The following SDCCAG8 variants were observed in gnomAD, a reference collection of about 807,000 sequenced individuals.
The protein encoded by SDCCAG8 is serologically defined colon cancer antigen 8.
In SDCCAG8, 74 loss-of-function variants were observed where a neutral mutation model predicts 101.8. That is an observed-to-expected ratio of 0.73 (90% confidence interval 0.60 to 0.88). The LOEUF is 0.88. Among genes scored for constraint, SDCCAG8 ranks in the 40% least tolerant of loss-of-function variants. SDCCAG8 has a pLI of 0.00. For missense variants in SDCCAG8, 787 were observed against 822.6 expected (o/e 0.96, Z 0.53); for synonymous variants, 281 against 292.9 (o/e 0.96, Z 0.41).
In SDCCAG8 at chr1:243,489,097, A is replaced by C; in HGVS notation, c.2069A>C (p.Glu690Ala). ...AGCAAGCAGAACCAGCTTCTCCTGG[A>C]GAGGCAGAGCCTGTCGGAAGAGGTG... The part of the protein sequence containing the change: ...LLSKQNQLLL[E>A]RQSLSEEVDR... The change falls in exon 17 of 18, where the codon GAG becomes GCG. Residue 690 changes from glutamate (E) to alanine (A), a missense_variant. Transcript: ENST00000366541. 2 of 1,613,250 alleles carry C rather than the reference A, an allele frequency of 1.2e-6. No individual in the cohort carries two copies. The highest frequency in any genetic ancestry group is 1.7e-6 in the Non-Finnish European group (2 of 1,179,988).
chr1:243,285,255 C>T (rs574467332), intron 4 of SDCCAG8, among the ~76,000 whole-genome samples: 1 of 152,308 alleles, frequency 6.6e-6, no homozygotes, highest in South Asian at 2.1e-4. Flanking sequence ...TTTCTACCTC[C>T]TACAGAGGTT....
intron 4 of SDCCAG8, among the ~76,000 whole-genome samples, chr1:243,275,771 G>A (rs2068495667): frequency 6.7e-6 from 1 of 149,806 alleles, no homozygotes; most frequent in African/African-American, 2.5e-5. Context: ...TTTGGTATAA[G>A]CTATAATTAT....
intron 16 of SDCCAG8, among the ~76,000 whole-genome samples, chr1:243,473,923 G>C (rs1363325816): frequency 1.3e-4 from 2 of 15,990 alleles, no homozygotes; most frequent in East Asian, 2.6e-3. Context: ...AGTTGCCGGC[G>C]GGGGGGGGGG....
intron 16 of SDCCAG8, among the ~76,000 whole-genome samples, chr1:243,472,310 C>T (rs1174565168): frequency 6.6e-6 from 1 of 152,186 alleles, no homozygotes; most frequent in Non-Finnish European, 1.5e-5. Flanking sequence ...ACTAAATCAT[C>T]AAACCAGTTT....
chr1:243,426,515 C>T lies in SDCCAG8; in HGVS notation c.1942C>T (p.Gln648Ter), dbSNP rs367572249. The T allele has an allele frequency of 6.8e-6, 11 of 1,613,780 alleles. No individual in the cohort carries two copies. The highest frequency in any genetic ancestry group is 4.0e-5 in the African/African-American group (3 of 74,876). The stretch of plus-strand genomic sequence containing the variant: ...GAGAAGAAATGAAGAATTGGAGGAA[C>T]AGTGTGTCCAGCATGGGAGAGTACA... Reference protein sequence around the residue: ...LQRRNEELEEQCVQHGRVHET... With the variant: ...LQRRNEELEE The change falls in exon 16 of 18, where the codon CAG (glutamine) becomes TAG (stop). Residue 648 changes from glutamine (Q) to a stop codon, truncating the protein, a stop_gained. Coordinates refer to ENST00000366541, the MANE Select transcript of SDCCAG8 (RefSeq NM_006642.5). LOFTEE classifies it high-confidence loss of function.
At chr1:243,365,444 T>A (rs1414464220) in intron 12 of SDCCAG8, among the ~76,000 whole-genome samples, 1 of 152,150 alleles carries the variant, frequency 6.6e-6, no homozygotes, top group Non-Finnish European at 1.5e-5. Context: ...GTCTTGGAAG[T>A]TAGATACAAA....
chr1:243,274,094 G>A (rs149455296), intron 3 of SDCCAG8, among the ~76,000 whole-genome samples: 121 of 152,256 alleles, frequency 7.9e-4, no homozygotes, highest in African/African-American at 2.8e-3. Flanking sequence ...GTGTGATACT[G>A]GCATCTCACT....
At chr1:243,417,614 C>T (rs919673895) in intron 14 of SDCCAG8, among the ~76,000 whole-genome samples, 5 of 152,090 alleles carry the variant, frequency 3.3e-5, no homozygotes, top group Admixed American at 3.3e-4. Context: ...ATTTTTGACA[C>T]TCTGTTTATA....
chr1:243,271,856 G>A (rs888214282), intron 3 of SDCCAG8, among the ~76,000 whole-genome samples: 7 of 152,050 alleles, frequency 4.6e-5, no homozygotes, highest in Non-Finnish European at 8.8e-5. Context: ...AAAATAATAC[G>A]TTTTAATATG....
chr1:243,499,639 GGTT>G (rs969271662), intron 17 of SDCCAG8, 114 bp from the exon 18 acceptor site: 3 of 825,006 alleles, frequency 3.6e-6, no homozygotes, highest in East Asian at 2.6e-5. Flanking sequence ...TTTAGCAACA[GGTT>G]TTTTTCTCCA....
At chr1:243,340,487 G>T (rs1019189383) in intron 10 of SDCCAG8, among the ~76,000 whole-genome samples, 2 of 152,118 alleles carry the variant, frequency 1.3e-5, no homozygotes, top group Non-Finnish European at 2.9e-5. Context: ...AAACCTACAT[G>T]AGAAATGAGG....
At chr1:243,367,855 A>C (rs1436362352) in intron 12 of SDCCAG8, among the ~76,000 whole-genome samples, 3 of 151,560 alleles carry the variant, frequency 2.0e-5, no homozygotes, top group Non-Finnish European at 4.4e-5. Context: ...TTTTAAGTGG[A>C]AAATGATTTT....
chr1:243,424,393 T>C (rs1277772925), intron 15 of SDCCAG8, among the ~76,000 whole-genome samples: 2 of 151,972 alleles, frequency 1.3e-5, no homozygotes, highest in African/African-American at 4.8e-5. Flanking sequence ...AAAATACATA[T>C]CTATTTTAAA....
chr1:243,384,982 A>G (rs1381347986), intron 13 of SDCCAG8, among the ~76,000 whole-genome samples: 1 of 152,180 alleles, frequency 6.6e-6, no homozygotes, highest in Non-Finnish European at 1.5e-5. Flanking sequence ...CCCGTTCTAC[A>G]TGGAGCATTT....
intron 1 of SDCCAG8, among the ~76,000 whole-genome samples, chr1:243,265,500 G>A (rs1204403542): frequency 6.6e-5 from 10 of 152,208 alleles, no homozygotes; most frequent in African/African-American, 2.4e-4. Context: ...ATTAGAAAAG[G>A]AATGAAAAGT....
intron 12 of SDCCAG8, among the ~76,000 whole-genome samples, chr1:243,357,404 G>A (rs1442026013): frequency 6.6e-6 from 1 of 151,946 alleles, no homozygotes; most frequent in African/African-American, 2.4e-5. Flanking sequence ...AAAAAAAGAA[G>A]GTAACTTTTG....
intron 8 of SDCCAG8, among the ~76,000 whole-genome samples, chr1:243,314,284 T>C (rs2073038473): frequency 6.6e-6 from 1 of 152,242 alleles, no homozygotes; most frequent in African/African-American, 2.4e-5. Context: ...GGTCTCACTG[T>C]TGAATGATGG....
chr1:243,415,550 C>G, intron 13 of SDCCAG8, 152 bp from the exon 14 acceptor site: 1 of 988,628 alleles, frequency 1.0e-6, no homozygotes, highest in South Asian at 1.4e-5. Flanking sequence ...TTGGATCTTC[C>G]CCCTAAAGTG....
chr1:243,387,277 AT>A (rs966045983), intron 13 of SDCCAG8, among the ~76,000 whole-genome samples: 28 of 147,812 alleles, frequency 1.9e-4, no homozygotes, highest in African/African-American at 4.7e-4. Flanking sequence ...TAAATCCTGC[AT>A]TTTTTTTTTC....
Sources: allele counts gnomAD v4.1 joint callset (sites outside exome capture counted in the v4.1 genomes callset), GRCh38; gene constraint gnomAD v4.1.1; transcripts MANE v1.5; gene names NCBI Gene and HGNC (gene_info 2026-07-23, HGNC 2026-07-21).